CNTNAP2: variants seen among roughly 807,000 people sequenced by gnomAD.
The protein encoded by CNTNAP2 is contactin-associated protein-like 2.
In CNTNAP2, 98 loss-of-function variants were observed where a neutral mutation model predicts 155.2. The ratio of observed to expected loss-of-function variants is 0.63; its 90% CI spans 0.54 to 0.75. CNTNAP2 has a LOEUF of 0.75. CNTNAP2 is among the 30% of genes least tolerant of loss of function. The probability of loss-of-function intolerance (pLI) is 0.00; values close to 1 mark genes in which losing one functional copy is unlikely to be tolerated. For synonymous variants in CNTNAP2, 651 were observed against 631.2 expected, an observed-to-expected ratio of 1.03 and a Z score of -0.47; for missense variants, 1,727 against 1,688.1, an observed-to-expected ratio of 1.02 and a Z score of -0.40.
chr7:147,688,553 T>C (rs1407565361), intron 13 of CNTNAP2, among the ~76,000 whole-genome samples: 1 of 152,130 alleles, frequency 6.6e-6, no homozygotes, highest in Non-Finnish European at 1.5e-5. Flanking sequence ...GCTTCTTAGA[T>C]TCTGTTTGCC....
chr7:147,033,802 A>G (rs2129251141), intron 3 of CNTNAP2, among the ~76,000 whole-genome samples: 1 of 151,978 alleles, frequency 6.6e-6, no homozygotes, highest in African/African-American at 2.4e-5. Flanking sequence ...AGAGGGGAAA[A>G]AAAAAAAAAA....
At chr7:146,563,629 T>A (rs1175359911) in intron 1 of CNTNAP2, among the ~76,000 whole-genome samples, 3 of 152,152 alleles carry the variant, frequency 2.0e-5, no homozygotes, top group Admixed American at 2.0e-4. Context: ...GAGACCTGTT[T>A]GGTTCACAGA....
At chr7:147,029,008 G>A (rs1159547864) in intron 3 of CNTNAP2, among the ~76,000 whole-genome samples, 4 of 134,384 alleles carry the variant, frequency 3.0e-5, no homozygotes, top group East Asian at 2.2e-4. Context: ...CTGTCGCCCA[G>A]GCTGGAGGGC....
chr7:146,840,034 C>T (rs1401774271), intron 3 of CNTNAP2, 130 bp downstream of exon 3: 2 of 1,116,878 alleles, frequency 1.8e-6, no homozygotes, highest in Admixed American at 2.1e-5. Context: ...ATTTATTCAT[C>T]ATTGTTGATG....
chr7:146,385,606 A>G (rs942232487), intron 1 of CNTNAP2, among the ~76,000 whole-genome samples: 18 of 152,284 alleles, frequency 1.2e-4, no homozygotes, highest in African/African-American at 4.3e-4. Context: ...GATTTATTTG[A>G]TCTTCTCACC....
At chr7:147,922,931 T>G (rs1800310118) in intron 14 of CNTNAP2, among the ~76,000 whole-genome samples, 2 of 151,630 alleles carry the variant, frequency 1.3e-5, no homozygotes, top group African/African-American at 4.9e-5. Context: ...AAAAACACTC[T>G]TAATGACACC....
At chr7:147,143,008 A>G (rs1394066694) in intron 8 of CNTNAP2, among the ~76,000 whole-genome samples, 3 of 152,178 alleles carry the variant, frequency 2.0e-5, no homozygotes, top group Admixed American at 6.5e-5. Flanking sequence ...AGTGCCTTGT[A>G]TCTTGAATAA....
chr7:147,148,517 T>C (rs1401474717), intron 8 of CNTNAP2, among the ~76,000 whole-genome samples: 1 of 152,092 alleles, frequency 6.6e-6, no homozygotes, highest in Non-Finnish European at 1.5e-5. Flanking sequence ...GTGTCCAGAA[T>C]TGGTTCCTTC....
chr7:147,903,099 A>G (rs1226838274), intron 13 of CNTNAP2, among the ~76,000 whole-genome samples: 3 of 152,134 alleles, frequency 2.0e-5, no homozygotes, highest in Non-Finnish European at 2.9e-5. Flanking sequence ...CCAGCAGTGT[A>G]GAAGTGTTCC....
At chr7:147,488,151 A>C (rs946280202) in intron 11 of CNTNAP2, among the ~76,000 whole-genome samples, 1 of 152,236 alleles carries the variant, frequency 6.6e-6, no homozygotes, top group African/African-American at 2.4e-5. Context: ...CAAATGGATT[A>C]GTTAAAAATT....
chr7:146,402,698 C>T (rs1171280544), intron 1 of CNTNAP2, among the ~76,000 whole-genome samples: 3 of 151,736 alleles, frequency 2.0e-5, no homozygotes, highest in Non-Finnish European at 4.4e-5. Context: ...ATTTATTAGC[C>T]TATATAAACA....
At chr7:147,578,188 T>G in intron 12 of CNTNAP2, among the ~76,000 whole-genome samples, 1 of 152,268 alleles carries the variant, frequency 6.6e-6, no homozygotes, top group South Asian at 2.1e-4. Flanking sequence ...TTTGATACTT[T>G]TGATTGATAA....
At chr7:147,317,580 C>G (rs1795254425) in intron 9 of CNTNAP2, among the ~76,000 whole-genome samples, 1 of 152,178 alleles carries the variant, frequency 6.6e-6, no homozygotes, top group Non-Finnish European at 1.5e-5. Flanking sequence ...ATGACTACTT[C>G]TTTCTCAAAT....
At chr7:147,189,748 TTTG>T (rs10671638) in intron 8 of CNTNAP2, among the ~76,000 whole-genome samples, 15 of 151,526 alleles carry the variant, frequency 9.9e-5, no homozygotes, top group Non-Finnish European at 1.9e-4. Context: ...ACCACTTTTT[TTTG>T]TTGTTGTTGT....
chr7:146,414,636 G>A (rs753889414), intron 1 of CNTNAP2, among the ~76,000 whole-genome samples: 2 of 151,984 alleles, frequency 1.3e-5, no homozygotes, highest in Admixed American at 6.6e-5. Context: ...ATCTATAAGG[G>A]GTGACTGAAG....
chr7:147,073,139 A>T lies in CNTNAP2; in HGVS notation c.550+29085A>T, dbSNP rs1431964573. 1.1e-3 allele frequency among the ~76,000 whole-genome samples: 133 copies of T among 121,578 alleles called. 1 individual carries two copies. The highest frequency in any genetic ancestry group is 3.8e-3 in the African/African-American group (120 of 31,600). The allele number at this position is 121,578 out of a possible 152,430, so 79.8% of individuals were successfully genotyped here. A position where few individuals can be genotyped will look rare whatever the true frequency, so the allele number is the denominator to read the frequency against. ...AGCCTTTTCTTTTTTTTTTTTTTTT[A>T]ACTTTTATTTTAAGTTCAGGACTAC... On this transcript the variant is annotated intron_variant, in intron 4 of 23. Coordinates refer to ENST00000361727, the MANE Select transcript of CNTNAP2 (RefSeq NM_014141.6).
chr7:147,048,100 A>T (rs1799402074), intron 4 of CNTNAP2, among the ~76,000 whole-genome samples: 2 of 110,950 alleles, frequency 1.8e-5, no homozygotes, highest in Admixed American at 1.3e-4. Context: ...TTTGAGATGG[A>T]GTCTCGCTCT....
intron 14 of CNTNAP2, among the ~76,000 whole-genome samples, chr7:147,906,961 G>A (rs1307869648): frequency 6.6e-6 from 1 of 152,170 alleles, no homozygotes; most frequent in Non-Finnish European, 1.5e-5. Context: ...TTCTGGCTTA[G>A]CAGCAGCTAA....
intron 8 of CNTNAP2, among the ~76,000 whole-genome samples, chr7:147,150,084 T>G (rs555175366): frequency 9.2e-5 from 14 of 152,340 alleles, no homozygotes; most frequent in African/African-American, 3.1e-4. Flanking sequence ...TTTAGATGTC[T>G]GCTACCTATT....
Sources: allele counts gnomAD v4.1 joint callset (sites outside exome capture counted in the v4.1 genomes callset), GRCh38; gene constraint gnomAD v4.1.1; transcripts MANE v1.5; gene names NCBI Gene and HGNC (gene_info 2026-07-23, HGNC 2026-07-21).